The following MKRN1 variants were observed in gnomAD, a reference collection of about 807,000 sequenced individuals.
The protein encoded by MKRN1 is E3 ubiquitin-protein ligase makorin-1.
A neutral mutation model predicts 55.5 loss-of-function variants in MKRN1; 9 were observed. The observed-to-expected ratio is 0.16, with a 90% CI of 0.10 to 0.28. The LOEUF (loss-of-function observed/expected upper bound fraction) is 0.28, where lower values mean the gene tolerates loss of function less well. MKRN1 is among the 10% of genes least tolerant of loss of function. The pLI is 1.00. For synonymous variants in MKRN1, 253 were observed against 235.9 expected, an observed-to-expected ratio of 1.07 and a Z score of -0.66; for missense variants, 488 against 626.7, an observed-to-expected ratio of 0.78 and a Z score of 2.36.
intron 2 of MKRN1, among the ~76,000 whole-genome samples, chr7:140,466,830 A>T (rs888585780): frequency 6.6e-6 from 1 of 151,094 alleles, no homozygotes; most frequent in African/African-American, 2.4e-5. Context: ...AAAAAAAAAA[A>T]AAAGAATAAA....
At chr7:140,463,881 T>G (rs1794696776) in intron 2 of MKRN1, among the ~76,000 whole-genome samples, 2 of 150,738 alleles carry the variant, frequency 1.3e-5, no homozygotes, top group Non-Finnish European at 3.0e-5. Context: ...AGAGCAAGAC[T>G]CCATCTCAAA....
intron 2 of MKRN1, 142 bp from the exon 3 acceptor site, chr7:140,460,078 G>A (rs773859209): frequency 4.2e-5 from 31 of 736,314 alleles, no homozygotes; most frequent in South Asian, 3.1e-4. Flanking sequence ...GTGAAAACCC[G>A]TCACTACCAA....
chr7:140,467,470 G>C (rs1461845253), intron 2 of MKRN1, among the ~76,000 whole-genome samples: 1 of 151,928 alleles, frequency 6.6e-6, no homozygotes, highest in Non-Finnish European at 1.5e-5. Context: ...TAGAGACGAG[G>C]TTTAACCATG....
At position 140,456,721 on chromosome 7, in the gene MKRN1, T is replaced by G; in HGVS notation, c.917A>C (p.Asn306Thr). The change falls in exon 5 of 8, where the codon AAC becomes ACC. Residue 306 changes from asparagine to threonine, a missense_variant. Coordinates refer to ENST00000255977, the MANE Select transcript of MKRN1 (RefSeq NM_013446.4). ...ERRFGILSNCNHTYCLKCIRK... is the reference protein window; with the variant it reads ...ERRFGILSNCTHTYCLKCIRK... ...AATGCACTTGAGACAGTAGGTGTGG[T>G]TGCAGTTGGAGAGGATCCCGAAGCG... The G allele has an allele frequency of 6.2e-7, 1 of 1,614,132 alleles. No individual in the cohort carries two copies. Among genetic ancestry groups the G allele is most frequent in the South Asian group, 1.1e-5 (1 of 91,080 alleles).
At chr7:140,466,273 C>G (rs1057426796) in intron 2 of MKRN1, among the ~76,000 whole-genome samples, 7 of 152,180 alleles carry the variant, frequency 4.6e-5, no homozygotes, top group Admixed American at 6.6e-5. Context: ...AGTTTCTCTA[C>G]TTCCTTTCAC....
intron 4 of MKRN1, 39 bp downstream of exon 4, chr7:140,458,968 C>T: frequency 1.9e-6 from 3 of 1,592,260 alleles, no homozygotes; most frequent in Non-Finnish European, 2.6e-6. Flanking sequence ...AATAATGATT[C>T]TCACATCTAA....
chr7:140,478,060 C>G (rs763862344), intron 1 of MKRN1: 1 of 152,320 alleles, frequency 6.6e-6, no homozygotes, highest in Non-Finnish European at 1.5e-5. Context: ...ATAAATGTAT[C>G]ACATCAAAGA....
intron 5 of MKRN1, chr7:140,456,283 G>A: frequency 8.6e-7 from 1 of 1,164,496 alleles, no homozygotes; most frequent in Non-Finnish European, 1.1e-6. Context: ...AAAGGATGGT[G>A]GATTGTTGGC....
chr7:140,455,117 A>C lies in MKRN1; in HGVS notation c.1214T>G (p.Val405Gly). ...TACCCGGTATCTGCTTGATGTTCCC[A>C]CTTTCTGTCTCTGTGGCTCCTCTCT... ...GRREEPQRQK[V>G]GTSSRYRAQR... Residue 405 changes from valine (V) to glycine (G), a missense_variant, in exon 7 of 8, where the codon GTG (valine) becomes GGG (glycine). Coordinates refer to ENST00000255977, the MANE Select transcript of MKRN1 (RefSeq NM_013446.4). 6.2e-7 allele frequency: 1 copy of C among 1,612,220 alleles called. No individual in the cohort carries two copies. The highest frequency in any genetic ancestry group is 2.2e-5 in the East Asian group (1 of 44,790).
chr7:140,455,146 G>T lies in MKRN1; in HGVS notation c.1185C>A (p.Gly395=). 6.2e-7 allele frequency: 1 copy of T among 1,613,830 alleles called. No individual in the cohort carries two copies. Among genetic ancestry groups the T allele is most frequent in the Non-Finnish European group, 8.5e-7 (1 of 1,179,982 alleles). Residue 395 remains glycine (G), a synonymous_variant, in exon 7 of 8, where the codon GGC becomes GGA. Coordinates refer to ENST00000255977, the MANE Select transcript of MKRN1 (RefSeq NM_013446.4). The stretch of plus-strand genomic sequence containing the variant: ...TCTGTCTCTGTGGCTCCTCTCTACG[G>T]CCATCAGGGTACGCATGCTTGTAAA... The part of the protein sequence containing the change: ...NCFYKHAYPD[G]RREEPQRQKV...
chr7:140,457,756 C>A (rs920046672), intron 4 of MKRN1, among the ~76,000 whole-genome samples: 2 of 150,914 alleles, frequency 1.3e-5, no homozygotes, highest in Admixed American at 1.3e-4. Flanking sequence ...TCCATAATCT[C>A]ACATCATCAC....
At chr7:140,466,676 C>T (rs1191506360) in intron 2 of MKRN1, among the ~76,000 whole-genome samples, 9 of 151,830 alleles carry the variant, frequency 5.9e-5, no homozygotes, top group African/African-American at 9.7e-5. Flanking sequence ...CGGTGGCGGG[C>T]GCCTGTAGTC....
chr7:140,474,035 A>C (rs1057511421), intron 1 of MKRN1, among the ~76,000 whole-genome samples: 2 of 92,860 alleles, frequency 2.2e-5, no homozygotes, highest in Non-Finnish European at 3.8e-5. Flanking sequence ...GAAAGAAAGA[A>C]AGAAAGAAAG....
chr7:140,470,251 CAA>C (rs1326886327), intron 2 of MKRN1, among the ~76,000 whole-genome samples: 1 of 148,216 alleles, frequency 6.7e-6, no homozygotes, highest in Non-Finnish European at 1.5e-5. Context: ...GGTGAGAAAC[CAA>C]AGTCTCCTGC....
chr7:140,454,803 A>AC, intron 7 of MKRN1, 74 bp from the exon 8 acceptor site: 1 of 1,454,172 alleles, frequency 6.9e-7, no homozygotes, highest in Admixed American at 1.8e-5. Flanking sequence ...ATAAGGCAAA[A>AC]CGTCCAGCAC....
At chr7:140,467,326 G>A (rs1159809892) in intron 2 of MKRN1, among the ~76,000 whole-genome samples, 1 of 152,044 alleles carries the variant, frequency 6.6e-6, no homozygotes, top group Non-Finnish European at 1.5e-5. Flanking sequence ...GCCCAGGCTG[G>A]AGTACAGTGG....
In MKRN1 at chr7:140,479,423, C is replaced by A. The variant is rs998424717; in HGVS notation, c.-79G>T. The A allele has an allele frequency of 9.7e-6, 12 of 1,236,340 alleles. No individual in the cohort carries two copies. The Admixed American group carries it at 4.6e-4, about 48-fold the overall frequency. 76.6% of individuals were successfully genotyped at this position (1,236,340 alleles called of 1,614,324 possible). A position where few individuals can be genotyped will look rare whatever the true frequency, so the allele number is the denominator to read the frequency against. On this transcript the variant is annotated 5_prime_UTR_variant, in exon 1 of 8. Transcript: ENST00000255977. ...CGGTCCGGCTGCGGGGAGAGGACGG[C>A]GAGGCCAGGCGAGGGGAGGGGAAGG... is the stretch of plus-strand genomic sequence containing the variant.
intron 4 of MKRN1, 110 bp downstream of exon 4, chr7:140,458,897 G>T: frequency 8.4e-7 from 1 of 1,187,926 alleles, no homozygotes; most frequent in Non-Finnish European, 1.2e-6. Flanking sequence ...CCTACTCACT[G>T]ATAACCATTC....
At chr7:140,468,710 A>C (rs1198410897) in intron 2 of MKRN1, among the ~76,000 whole-genome samples, 1 of 144,096 alleles carries the variant, frequency 6.9e-6, no homozygotes, top group Non-Finnish European at 1.5e-5. Flanking sequence ...ACAAAAAAAA[A>C]AAAAAAAAAA....
Sources: gnomAD v4.1 joint callset for allele counts (sites outside exome capture counted in the v4.1 genomes callset) on GRCh38, gnomAD v4.1.1 for gene constraint, MANE v1.5 for transcripts, NCBI Gene and HGNC (gene_info 2026-07-23, HGNC 2026-07-21) for gene names.